LOXL1: variants seen among roughly 807,000 people sequenced by gnomAD.
LOXL1 encodes the protein lysyl oxidase homolog 1.
LOXL1 carries 31 observed loss-of-function variants against 62.2 expected under a neutral mutation model. The ratio of observed to expected loss-of-function variants is 0.50; its 90% CI spans 0.37 to 0.67. The LOEUF (loss-of-function observed/expected upper bound fraction) is 0.67. Among genes scored for constraint, LOXL1 ranks in the 30% least tolerant of loss-of-function variants. LOXL1 has a pLI of 0.00. For synonymous variants in LOXL1, 403 were observed against 384.4 expected (o/e 1.05, Z -0.56); for missense variants, 775 against 843.4 (o/e 0.92, Z 1.00).
intron 5 of LOXL1, among the ~76,000 whole-genome samples, chr15:73,949,064 C>G (rs900898005): frequency 6.6e-6 from 1 of 151,954 alleles, no homozygotes; most frequent in Non-Finnish European, 1.5e-5. Context: ...GGCCCTCGAT[C>G]AGTCACCTAG....
At chr15:73,932,511 C>A (rs1267013570) in intron 1 of LOXL1, among the ~76,000 whole-genome samples, 4 of 152,202 alleles carry the variant, frequency 2.6e-5, no homozygotes, top group African/African-American at 9.6e-5. Flanking sequence ...CTGGTTGTGA[C>A]AGGGTGAGAT....
chr15:73,938,002 G>A (rs552349187), intron 1 of LOXL1, among the ~76,000 whole-genome samples: 126 of 152,296 alleles, frequency 8.3e-4, no homozygotes, highest in African/African-American at 3.0e-3. Context: ...AAAACAGGAG[G>A]CTGGCCGGGT....
chr15:73,927,832 A>T lies in LOXL1; in HGVS notation c.1049A>T (p.Gln350Leu), dbSNP rs1170012323. The T allele has an allele frequency of 4.4e-6, 6 of 1,348,392 alleles. No individual in the cohort carries two copies. 83.5% of individuals were successfully genotyped at this position (1,348,392 alleles called of 1,614,324 possible). The part of the protein sequence containing the change: ...PPPGGERNGA[Q>L]QGRLSVGSVY... ...CCGGGTGGGGAGCGGAACGGCGCGC[A>T]GCAGGGCCGCCTCAGCGTGGGCAGC... The change falls in exon 1 of 7, where the codon CAG becomes CTG. Residue 350 changes from glutamine to leucine, a missense_variant. Physicochemically the swap from Gln to Leu is moderately radical, Grantham distance 113. Coordinates refer to ENST00000261921, the MANE Select transcript of LOXL1 (RefSeq NM_005576.4).
chr15:73,947,922 G>A lies in LOXL1; in HGVS notation c.1602+20G>A, dbSNP rs199933914. The A allele has an allele frequency of 1.5e-4, 234 of 1,582,782 alleles. No homozygotes were observed. The African/African-American group carries it at 2.6e-3, about 18-fold the overall frequency. On this transcript the variant is annotated intron_variant, in intron 5 of 6. Transcript: ENST00000261921. ...CTCAAGGTGGGCCTCTGGGTCTGGG[G>A]CTTTCCCTCCAACCTGATGTTCATG...
intron 1 of LOXL1, among the ~76,000 whole-genome samples, chr15:73,934,465 C>T (rs2068656423): frequency 6.6e-6 from 1 of 152,212 alleles, no homozygotes. Context: ...CAGCTCTCAG[C>T]ACCCACTGTG....
At chr15:73,946,312 G>A in intron 2 of LOXL1, 105 bp from the exon 3 acceptor site, 1 of 768,916 alleles carries the variant, frequency 1.3e-6, no homozygotes, top group Non-Finnish European at 2.2e-6. Flanking sequence ...GAGTGGGGCT[G>A]CAGAACCAGT....
At position 73,926,496 on chromosome 15, in the gene LOXL1, C is replaced by A; in HGVS notation, c.-288C>A. Reference sequence around the variant, plus strand: ...GGGAAAGCGCCAGCCGAGCGGCCAGCCAGTGCGGGGCTGGCCATGTAAGGC... The same window carrying A: ...GGGAAAGCGCCAGCCGAGCGGCCAGACAGTGCGGGGCTGGCCATGTAAGGC... On this transcript the variant is annotated 5_prime_UTR_variant, in exon 1 of 7. Coordinates refer to ENST00000261921, the MANE Select transcript of LOXL1 (RefSeq NM_005576.4). 1 of 344,714 alleles carries A rather than the reference C, an allele frequency of 2.9e-6. No individual in the cohort carries two copies. The highest frequency in any genetic ancestry group is 5.2e-6 in the Non-Finnish European group (1 of 191,638). 21.4% of individuals were successfully genotyped at this position (344,714 alleles called of 1,614,324 possible). A position where few individuals can be genotyped will look rare whatever the true frequency, so the allele number is the denominator to read the frequency against.
Position 73,947,059 on chromosome 15 carries a change from G to T in LOXL1, c.1350-8G>T. 1 of 1,592,644 alleles carries T rather than the reference G, an allele frequency of 6.3e-7. No homozygotes were observed. Among genetic ancestry groups the T allele is most frequent in the Middle Eastern group, 1.7e-4 (1 of 5,992 alleles). On this transcript the variant is annotated splice_polypyrimidine_tract_variant and splice_region_variant and intron_variant, in intron 3 of 6. Transcript: ENST00000261921. Reference sequence around the variant, plus strand: ...CCTCTTCTTTCTCCTTCTCTCCTCTGCCCCTAGGCATTACCACAGCATGGA... The same window carrying T: ...CCTCTTCTTTCTCCTTCTCTCCTCTTCCCCTAGGCATTACCACAGCATGGA...
chr15:73,927,743 G>A lies in LOXL1; in HGVS notation c.960G>A (p.Ala320=). 1.4e-6 allele frequency: 2 copies of A among 1,455,792 alleles called. No homozygotes were observed. The highest frequency in any genetic ancestry group is 1.3e-5 in the South Asian group (1 of 75,098). The allele number at this position is 1,455,792 out of a possible 1,614,324, so 90.2% of individuals were successfully genotyped here. A position where few individuals can be genotyped will look rare whatever the true frequency, so the allele number is the denominator to read the frequency against. The change falls in exon 1 of 7, where the codon GCG becomes GCA. Residue 320 remains alanine, a synonymous_variant. Transcript: ENST00000261921. ...YPPYANPPPE[A]YGPPRALEPP... ...CCTACGCCAACCCGCCGCCCGAGGC[G>A]TACGGGCCGCCGCGCGCGCTGGAGC...
rs921965926 is a variant in LOXL1 at position 73,929,363 on chromosome 15, C to G, written c.1102+1478C>G. Among the ~76,000 whole-genome samples the G allele has an allele frequency of 2.6e-5, 4 of 152,296 alleles. No individual in the cohort carries two copies. In the East Asian group the frequency reaches 7.7e-4, roughly 29 times the overall value. ...GCCTCAGAGTATAGGTGCTAGTGCC[C>G]CAGCCTCCTCCTCAGCCTCTGTCAG... is the stretch of plus-strand genomic sequence containing the variant. On this transcript the variant is annotated intron_variant, in intron 1 of 6. Transcript: ENST00000261921.
chr15:73,932,715 T>C lies in LOXL1; in HGVS notation c.1102+4830T>C, dbSNP rs531228884. 5.4e-4 allele frequency among the ~76,000 whole-genome samples: 83 copies of C among 152,400 alleles called. 1 individual carries two copies. Among genetic ancestry groups the C allele is most frequent in the African/African-American group, 2.0e-3 (82 of 41,598 alleles). On this transcript the variant is annotated intron_variant, in intron 1 of 6. Transcript: ENST00000261921. ...TTAATCCCTGTGACAACCCTGGGAT[T>C]GTTATCCCCATTTTGCAGATGAGGA... is the stretch of plus-strand genomic sequence containing the variant.
intron 6 of LOXL1, among the ~76,000 whole-genome samples, chr15:73,950,899 C>T (rs2068780157): frequency 6.6e-6 from 1 of 152,228 alleles, no homozygotes; most frequent in Non-Finnish European, 1.5e-5. Flanking sequence ...TTAGGTTCCT[C>T]ATGAGTAGAA....
chr15:73,947,292 G>T (rs766176542), intron 4 of LOXL1, 69 bp downstream of exon 4: 1 of 1,509,912 alleles, frequency 6.6e-7, no homozygotes, highest in Non-Finnish European at 9.0e-7. Context: ...AGCGAGGCCC[G>T]CTGAGGCCCG....
At chr15:73,947,479 C>A in intron 4 of LOXL1, 1 of 511,510 alleles carries the variant, frequency 2.0e-6, no homozygotes, top group South Asian at 3.1e-5. Flanking sequence ...GTCTGGAGAG[C>A]AACACGTCCT....
Position 73,947,195 on chromosome 15 carries a change from A to C in LOXL1, c.1478A>C (p.Lys493Thr). Reference sequence around the variant, plus strand: ...AGCACCTGTGACTTCGGCAACCTCAAGCGCTATGCATGCACCTCTCATACC... The same window carrying C: ...AGCACCTGTGACTTCGGCAACCTCACGCGCTATGCATGCACCTCTCATACC... ...EDSTCDFGNLKRYACTSHTQG... is the reference protein window; with the variant it reads ...EDSTCDFGNLTRYACTSHTQG... Residue 493 changes from lysine (K) to threonine (T), a missense_variant, in exon 4 of 7, where the codon AAG becomes ACG. Coordinates refer to ENST00000261921, the MANE Select transcript of LOXL1 (RefSeq NM_005576.4). The C allele has an allele frequency of 1.9e-6, 3 of 1,612,248 alleles. No homozygotes were observed. The South Asian group carries it at 3.3e-5, about 18-fold the overall frequency.
intron 1 of LOXL1, among the ~76,000 whole-genome samples, chr15:73,940,593 C>T (rs113803879): frequency 4.6e-5 from 7 of 152,210 alleles, no homozygotes; most frequent in African/African-American, 1.7e-4. Context: ...TGACCAGCAT[C>T]GGGACTCAGA....
In LOXL1 at chr15:73,951,837, A is replaced by G; in HGVS notation, c.1725A>G (p.Ter575TrpextTer?). ...SATNCKIVQS[*>W] ...ACTGTCTTTCCTTCCTCAGATCCTG[A>G]TCTCCGGGAGGGACAGATGGCCAAT... The change falls in exon 7 of 7, where the codon TGA (stop) becomes TGG (tryptophan). Residue 575 changes from the stop codon to tryptophan (W), a stop_lost. Transcript: ENST00000261921. The G allele has an allele frequency of 1.3e-6, 2 of 1,546,232 alleles. No individual in the cohort carries two copies. Among genetic ancestry groups the G allele is most frequent in the Non-Finnish European group, 8.8e-7 (1 of 1,142,214 alleles).
In LOXL1 at chr15:73,927,050, C is replaced by G. The variant is rs1458195464; in HGVS notation, c.267C>G (p.His89Gln). The change falls in exon 1 of 7, where the codon CAC becomes CAG. Residue 89 changes from histidine to glutamine, a missense_variant. By Grantham distance (24) the His-to-Gln change is conservative. Coordinates refer to ENST00000261921, the MANE Select transcript of LOXL1 (RefSeq NM_005576.4). ...GAPQAQQRRS[H>Q]GSPRRRQAPS... is the part of the protein sequence containing the mutation. Reference sequence around the variant, plus strand: ...CCCAGGCCCAGCAGCGGCGCAGCCACGGGAGCCCCCGGCGTCGGCAGGCGC... The same window carrying G: ...CCCAGGCCCAGCAGCGGCGCAGCCAGGGGAGCCCCCGGCGTCGGCAGGCGC... 1 of 1,324,038 alleles carries G rather than the reference C, an allele frequency of 7.6e-7. No homozygotes were observed. The highest frequency in any genetic ancestry group is 1.5e-5 in the African/African-American group (1 of 64,976). 82.0% of individuals were successfully genotyped at this position (1,324,038 alleles called of 1,614,324 possible).
At chr15:73,934,031 GA>G (rs1004085438) in intron 1 of LOXL1, among the ~76,000 whole-genome samples, 5 of 152,248 alleles carry the variant, frequency 3.3e-5, no homozygotes, top group African/African-American at 1.2e-4. Flanking sequence ...GAAATGGGGA[GA>G]GGGGTGTCAG....
Sources: allele counts gnomAD v4.1 joint callset (sites outside exome capture counted in the v4.1 genomes callset), GRCh38; gene constraint gnomAD v4.1.1; transcripts MANE v1.5; gene names NCBI Gene and HGNC (gene_info 2026-07-23, HGNC 2026-07-21).